GRM5: variants seen among roughly 807,000 people sequenced by gnomAD.
GRM5 encodes glutamate metabotropic receptor 5, also known as metabotropic glutamate receptor 5.
Under a neutral mutation model 83.1 loss-of-function variants are expected in GRM5, and 19 were observed. That is an observed-to-expected ratio of 0.23 (90% CI 0.16 to 0.34). The LOEUF is 0.34. Ranked by LOEUF, GRM5 falls within the 10% of genes least tolerant of loss-of-function variation. The pLI, the probability that GRM5 is intolerant of heterozygous loss-of-function variation, is 1.00. For missense variants in GRM5, 1,160 were observed against 1,588.3 expected (o/e 0.73, Z 4.58); for synonymous variants, 675 against 633.6 (o/e 1.07, Z -0.98).
At chr11:88,513,551 G>A (rs943018354) in intron 9 of GRM5, among the ~76,000 whole-genome samples, 1 of 151,984 alleles carries the variant, frequency 6.6e-6, no homozygotes, top group African/African-American at 2.4e-5. Flanking sequence ...CTTGATATCT[G>A]CCATGAAAAT....
At chr11:88,515,900 G>A (rs1198607350) in intron 9 of GRM5, among the ~76,000 whole-genome samples, 1 of 152,214 alleles carries the variant, frequency 6.6e-6, no homozygotes, top group African/African-American at 2.4e-5. Flanking sequence ...GGGATTGGTG[G>A]CAAAGAAGAG....
chr11:88,526,167 T>C (rs923996171), intron 8 of GRM5, among the ~76,000 whole-genome samples: 4 of 152,202 alleles, frequency 2.6e-5, no homozygotes, highest in African/African-American at 9.6e-5. Flanking sequence ...GCCATTATTT[T>C]TGTATTATAA....
chr11:89,034,821 A>G (rs1202063406), intron 2 of GRM5, among the ~76,000 whole-genome samples: 3 of 150,148 alleles, frequency 2.0e-5, no homozygotes, highest in African/African-American at 7.3e-5. Context: ...TTGTCAAATT[A>G]AAGTACTACC....
intron 4 of GRM5, among the ~76,000 whole-genome samples, chr11:88,651,799 C>G (rs1335196527): frequency 1.3e-5 from 2 of 151,968 alleles, no homozygotes; most frequent in Non-Finnish European, 2.9e-5. Context: ...CCCTTCTACC[C>G]AAATAGGAAC....
intron 2 of GRM5, among the ~76,000 whole-genome samples, chr11:89,013,639 C>T (rs1940769481): frequency 6.6e-6 from 1 of 152,184 alleles, no homozygotes; most frequent in Non-Finnish European, 1.5e-5. Context: ...TCTTGCTTCT[C>T]AGTGCAAAAA....
chr11:88,792,672 T>C (rs1943198439), intron 3 of GRM5, among the ~76,000 whole-genome samples: 1 of 152,126 alleles, frequency 6.6e-6, no homozygotes, highest in Non-Finnish European at 1.5e-5. Flanking sequence ...AGTCTGCACA[T>C]ATTGTGTGTC....
intron 1 of GRM5, among the ~76,000 whole-genome samples, chr11:89,060,585 A>G (rs1156366773): frequency 6.6e-6 from 1 of 152,136 alleles, no homozygotes; most frequent in East Asian, 1.9e-4. Context: ...GTGCTTAATA[A>G]ATAGTAGTTA....
At chr11:88,572,383 G>A (rs1263068886) in intron 7 of GRM5, among the ~76,000 whole-genome samples, 4 of 152,152 alleles carry the variant, frequency 2.6e-5, no homozygotes, top group African/African-American at 7.2e-5. Context: ...CCAAAGGAAA[G>A]TATTAATTGG....
At chr11:88,919,238 C>CCATATATATATATATATATATATATATA (rs1945645848) in intron 2 of GRM5, among the ~76,000 whole-genome samples, 1 of 32,390 alleles carries the variant, frequency 3.1e-5, no homozygotes, top group Non-Finnish European at 1.6e-4. Context: ...GCAGGAGTAG[C>CCATATATATATATATATATATATATATA]TATATATATA....
intron 2 of GRM5, among the ~76,000 whole-genome samples, chr11:88,934,125 T>A (rs182943917): frequency 1.1e-3 from 162 of 151,940 alleles, no homozygotes; most frequent in Non-Finnish European, 1.3e-4. Flanking sequence ...ACTTCTCTAA[T>A]TTTTACTATT....
chr11:88,888,099 C>A (rs149279596), intron 2 of GRM5, among the ~76,000 whole-genome samples: 3 of 152,110 alleles, frequency 2.0e-5, no homozygotes, highest in African/African-American at 7.2e-5. Context: ...ACAGAAAATA[C>A]ATAATTGAGG....
At chr11:89,056,079 G>T (rs922196281) in intron 1 of GRM5, among the ~76,000 whole-genome samples, 5 of 152,206 alleles carry the variant, frequency 3.3e-5, no homozygotes, top group African/African-American at 1.2e-4. Flanking sequence ...CTTATTGTTA[G>T]ATATTAAGGT....
intron 2 of GRM5, among the ~76,000 whole-genome samples, chr11:88,989,452 C>T (rs4760904): frequency 0.067 from 5,022 of 74,970 alleles, 322 homozygotes; most frequent in Middle Eastern, 0.23. Flanking sequence ...GACAGATCAA[C>T]AAGACAGAAA....
intron 9 of GRM5, among the ~76,000 whole-genome samples, chr11:88,524,977 T>A (rs1941830660): frequency 6.6e-6 from 1 of 152,220 alleles, no homozygotes; most frequent in Non-Finnish European, 1.5e-5. Context: ...AAATATGAGT[T>A]TCCTCCAATC....
chr11:88,916,140 C>T (rs1288472922), intron 2 of GRM5, among the ~76,000 whole-genome samples: 1 of 151,990 alleles, frequency 6.6e-6, no homozygotes, highest in Non-Finnish European at 1.5e-5. Flanking sequence ...CAATTGTTCC[C>T]CTTGCAGGAA....
intron 4 of GRM5, among the ~76,000 whole-genome samples, chr11:88,634,982 ACT>A (rs1027128328): frequency 1.9e-4 from 29 of 152,272 alleles, no homozygotes; most frequent in South Asian, 1.0e-3. Flanking sequence ...GTAGCACATG[ACT>A]CTACGTTGCA....
intron 2 of GRM5, among the ~76,000 whole-genome samples, chr11:88,855,621 A>G (rs1350992434): frequency 6.6e-6 from 1 of 151,934 alleles, no homozygotes. Flanking sequence ...AACGATGCTG[A>G]ATTTTTTCTT....
chr11:88,800,639 C>T (rs1475896378), intron 3 of GRM5, among the ~76,000 whole-genome samples: 1 of 152,102 alleles, frequency 6.6e-6, no homozygotes, highest in African/African-American at 2.4e-5. Flanking sequence ...AGGAGAGGCA[C>T]TCCTAATGGA....
intron 4 of GRM5, among the ~76,000 whole-genome samples, chr11:88,614,513 T>C (rs191065110): frequency 2.0e-3 from 300 of 152,282 alleles, no homozygotes; most frequent in African/African-American, 6.8e-3. Context: ...TTTAGCTTTT[T>C]TTTCTGATTT....
Sources: allele counts gnomAD v4.1 joint callset (sites outside exome capture counted in the v4.1 genomes callset), GRCh38; gene constraint gnomAD v4.1.1; transcripts MANE v1.5; gene names NCBI Gene and HGNC (gene_info 2026-07-23, HGNC 2026-07-21).